RFFL: variants seen among roughly 807,000 people sequenced by gnomAD.
The protein encoded by RFFL is ring finger and FYVE like domain containing E3 ubiquitin protein ligase, also known as E3 ubiquitin-protein ligase rififylin.
In RFFL, 16 loss-of-function variants were observed where a neutral mutation model predicts 40.4. That is an observed-to-expected ratio of 0.40 (90% confidence interval 0.27 to 0.60). The LOEUF is 0.60. Among genes scored for constraint, RFFL ranks in the 20% least tolerant of loss-of-function variants. The pLI is 0.47. For synonymous variants in RFFL, 154 were observed against 167.9 expected, an observed-to-expected ratio of 0.92 and a Z score of 0.64; for missense variants, 367 against 451.7, an observed-to-expected ratio of 0.81 and a Z score of 1.70.
intron 1 of RFFL, among the ~76,000 whole-genome samples, chr17:35,051,214 G>C (rs183855229): frequency 6.6e-6 from 1 of 152,300 alleles, no homozygotes; most frequent in East Asian, 1.9e-4. Flanking sequence ...TATGGGTAAA[G>C]GCAAGGGCTG....
In RFFL at chr17:35,016,462, T is replaced by C; in HGVS notation, c.794A>G (p.Asn265Ser). ...VRQLKEILARNFVNYKGCCEK... is the reference protein window; with the variant it reads ...VRQLKEILARSFVNYKGCCEK... ...ACAGCAGCCCTTGTAGTTGACAAAG[T>C]TGCGAGCCAAGATCTCTTTCAGCTG... Residue 265 changes from asparagine to serine, a missense_variant, in exon 5 of 7, where the codon AAC (asparagine) becomes AGC (serine). Coordinates refer to ENST00000394597, the MANE Select transcript of RFFL (RefSeq NM_001017368.2). 6.2e-7 allele frequency: 1 copy of C among 1,614,222 alleles called. No homozygotes were observed. Among genetic ancestry groups the C allele is most frequent in the South Asian group, 1.1e-5 (1 of 91,084 alleles).
chr17:35,028,033 CA>C (rs77312020), intron 1 of RFFL, among the ~76,000 whole-genome samples: 54 of 122,590 alleles, frequency 4.4e-4, no homozygotes, highest in South Asian at 5.2e-4. Context: ...AACTCCATCT[CA>C]AAAAAAAAAA....
At chr17:35,072,705 T>C (rs2091357011) in intron 1 of RFFL, among the ~76,000 whole-genome samples, 1 of 152,086 alleles carries the variant, frequency 6.6e-6, no homozygotes, top group Non-Finnish European at 1.5e-5. Context: ...TGTAGTGTTT[T>C]TGCAACTTCC....
intron 1 of RFFL, among the ~76,000 whole-genome samples, chr17:35,055,708 C>A (rs376409733): frequency 0.014 from 2,023 of 147,422 alleles, 70 homozygotes; most frequent in African/African-American, 0.049. Context: ...AAAAAAAAAA[C>A]ATTAATCAGG....
chr17:35,086,482 TAA>T (rs11298971), intron 1 of RFFL, among the ~76,000 whole-genome samples: 588 of 143,694 alleles, frequency 4.1e-3, no homozygotes, highest in Non-Finnish European at 4.1e-3. Context: ...CCATCTCAAT[TAA>T]AAAAAAAAAA....
At chr17:35,037,031 C>A (rs972361835) in intron 1 of RFFL, among the ~76,000 whole-genome samples, 1 of 152,178 alleles carries the variant, frequency 6.6e-6, no homozygotes. Flanking sequence ...GCTCTGTGCA[C>A]CAAGGTAGTT....
chr17:35,052,799 T>C (rs866540558), intron 1 of RFFL, among the ~76,000 whole-genome samples: 7 of 152,216 alleles, frequency 4.6e-5, no homozygotes, highest in Middle Eastern at 3.4e-3. Flanking sequence ...GATAGGTAGG[T>C]ACACAAACAA....
chr17:35,079,437 C>T (rs2091393824), intron 1 of RFFL, among the ~76,000 whole-genome samples: 1 of 152,194 alleles, frequency 6.6e-6, no homozygotes. Flanking sequence ...AAATAAAAAC[C>T]TAATTAGATA....
At chr17:35,024,475 G>A (rs564165679) in intron 2 of RFFL, among the ~76,000 whole-genome samples, 6 of 152,238 alleles carry the variant, frequency 3.9e-5, no homozygotes, top group Middle Eastern at 6.8e-3. Flanking sequence ...CTCCAAAACC[G>A]TCAGGGTCGC....
chr17:35,047,768 T>C (rs940629907), intron 1 of RFFL, among the ~76,000 whole-genome samples: 3 of 150,692 alleles, frequency 2.0e-5, no homozygotes, highest in Non-Finnish European at 4.4e-5. Context: ...TTTTTTTTTT[T>C]AAATACAGAG....
At chr17:35,085,808 C>G (rs1422127808) in intron 1 of RFFL, among the ~76,000 whole-genome samples, 9 of 152,192 alleles carry the variant, frequency 5.9e-5, no homozygotes, top group Admixed American at 5.2e-4. Context: ...GGCTTCACTG[C>G]AGAATGTTAA....
chr17:35,032,233 G>C (rs2091089809), intron 1 of RFFL, among the ~76,000 whole-genome samples: 1 of 152,054 alleles, frequency 6.6e-6, no homozygotes, highest in Non-Finnish European at 1.5e-5. Flanking sequence ...ACCTGGACTG[G>C]ATCCTATACG....
At chr17:35,027,043 C>T (rs2091045789) in intron 1 of RFFL, among the ~76,000 whole-genome samples, 1 of 152,146 alleles carries the variant, frequency 6.6e-6, no homozygotes, top group South Asian at 2.1e-4. Context: ...TGATGCAACC[C>T]AGACTCAAAG....
At chr17:35,015,585 G>A (rs373433409) in intron 5 of RFFL, among the ~76,000 whole-genome samples, 8 of 152,168 alleles carry the variant, frequency 5.3e-5, no homozygotes, top group African/African-American at 1.9e-4. Flanking sequence ...TGATGAATTT[G>A]AGCTACTGGT....
chr17:35,089,020 T>C (rs983809887), intron 1 of RFFL: 7 of 152,604 alleles, frequency 4.6e-5, no homozygotes, highest in African/African-American at 7.2e-5. Flanking sequence ...GACCACAGCC[T>C]GACGGCACCC....
chr17:35,042,829 A>G, intron 1 of RFFL, among the ~76,000 whole-genome samples: 1 of 148,886 alleles, frequency 6.7e-6, no homozygotes, highest in East Asian at 1.9e-4. Flanking sequence ...ATCTCAAAAA[A>G]AAAAAAAAAA....
chr17:35,022,621 C>G (rs1372626083), intron 2 of RFFL, among the ~76,000 whole-genome samples: 1 of 152,198 alleles, frequency 6.6e-6, no homozygotes, highest in Non-Finnish European at 1.5e-5. Flanking sequence ...TGATCACATT[C>G]TTTCCACCAG....
At chr17:35,056,374 ACTT>A (rs2091261428) in intron 1 of RFFL, among the ~76,000 whole-genome samples, 1 of 116,320 alleles carries the variant, frequency 8.6e-6, no homozygotes, top group Admixed American at 8.1e-5. Flanking sequence ...TTTTACTTCT[ACTT>A]TTTTTTTTTT....
chr17:35,087,878 T>G (rs2091438711), intron 1 of RFFL, among the ~76,000 whole-genome samples: 1 of 152,166 alleles, frequency 6.6e-6, no homozygotes, highest in African/African-American at 2.4e-5. Context: ...GATAAAGAAG[T>G]TGTCAAACCT....
Sources: gnomAD v4.1 joint callset for allele counts (sites outside exome capture counted in the v4.1 genomes callset) on GRCh38, gnomAD v4.1.1 for gene constraint, MANE v1.5 for transcripts, NCBI Gene and HGNC (gene_info 2026-07-23, HGNC 2026-07-21) for gene names.